NCKAP5: variants seen among roughly 807,000 people sequenced by gnomAD.
The protein encoded by NCKAP5 is NCK associated protein 5.
NCKAP5 carries 92 observed loss-of-function variants against 167.0 expected under a neutral mutation model. The observed-to-expected ratio is 0.55, with a 90% CI of 0.47 to 0.66. The LOEUF is 0.66. NCKAP5 is among the 30% of genes least tolerant of loss of function. NCKAP5 has a pLI of 0.00. For synonymous variants in NCKAP5, 891 were observed against 877.4 expected (o/e 1.02, Z -0.27); for missense variants, 2,378 against 2,315.0 (o/e 1.03, Z -0.56).
the NCKAP5 span, among the ~76,000 whole-genome samples, chr2:133,639,168 T>A: frequency 1.3e-5 from 2 of 152,122 alleles, no homozygotes; most frequent in Admixed American, 1.3e-4. Context: ...TCAGAGAATA[T>A]CAATTGTTGG....
At chr2:132,951,895 T>C (rs547743875) in intron 8 of NCKAP5, among the ~76,000 whole-genome samples, 2 of 152,298 alleles carry the variant, frequency 1.3e-5, no homozygotes, top group South Asian at 2.1e-4. Flanking sequence ...GTAAGTTACT[T>C]TGAAGCATCA....
At chr2:133,119,993 C>A (rs1371615307) in intron 6 of NCKAP5, among the ~76,000 whole-genome samples, 2 of 151,980 alleles carry the variant, frequency 1.3e-5, no homozygotes, top group East Asian at 3.9e-4. Flanking sequence ...ATTTCTGTAA[C>A]CATGGGGATA....
chr2:133,381,324 T>C (rs1256873565), intron 3 of NCKAP5, among the ~76,000 whole-genome samples: 2 of 152,196 alleles, frequency 1.3e-5, no homozygotes, highest in Non-Finnish European at 2.9e-5. Context: ...TGAATCAAAG[T>C]TAGCACTTAA....
At chr2:133,285,947 G>A (rs961479019) in intron 4 of NCKAP5, among the ~76,000 whole-genome samples, 2 of 151,842 alleles carry the variant, frequency 1.3e-5, no homozygotes, top group African/African-American at 4.8e-5. Flanking sequence ...TCTAATAAAA[G>A]GTCAGGAATT....
At chr2:133,106,707 G>A (rs1215423393) in intron 6 of NCKAP5, among the ~76,000 whole-genome samples, 1 of 152,124 alleles carries the variant, frequency 6.6e-6, no homozygotes, top group Non-Finnish European at 1.5e-5. Context: ...TTAAAAATAT[G>A]GTTAGACTAG....
chr2:132,979,139 C>T (rs945246105), intron 7 of NCKAP5, among the ~76,000 whole-genome samples: 6 of 152,144 alleles, frequency 3.9e-5, no homozygotes, highest in African/African-American at 7.2e-5. Flanking sequence ...GTCTCAGTTT[C>T]GTAACTCTCT....
chr2:133,368,306 C>T (rs72989637), intron 3 of NCKAP5, among the ~76,000 whole-genome samples: 7,530 of 152,144 alleles, frequency 0.049, 570 homozygotes, highest in African/African-American at 0.17. Context: ...CAAGTGTGCA[C>T]ATGAATTTTA....
intron 6 of NCKAP5, among the ~76,000 whole-genome samples, chr2:133,103,372 T>C (rs1191916493): frequency 2.0e-5 from 3 of 152,202 alleles, no homozygotes; most frequent in African/African-American, 4.8e-5. Context: ...GTTATCAATA[T>C]GGTTAAATAT....
chr2:133,265,051 G>C (rs1280859136), intron 4 of NCKAP5: 2 of 152,254 alleles, frequency 1.3e-5, no homozygotes, highest in African/African-American at 4.8e-5. Context: ...GCCGGGAAAT[G>C]ACTGAGGAAG....
intron 19 of NCKAP5, among the ~76,000 whole-genome samples, chr2:132,687,756 C>G (rs1266267600): frequency 1.4e-5 from 2 of 139,504 alleles, no homozygotes; most frequent in Non-Finnish European, 3.0e-5. Flanking sequence ...CACACACACA[C>G]CCTTCCTCTG....
At chr2:132,773,777 A>G in intron 16 of NCKAP5, 39 bp downstream of exon 16, 1 of 1,465,268 alleles carries the variant, frequency 6.8e-7, no homozygotes. Context: ...CATTTAGAAT[A>G]AGTCTCCATA....
At chr2:133,475,924 T>C (rs1250680245) in intron 3 of NCKAP5, among the ~76,000 whole-genome samples, 2 of 152,186 alleles carry the variant, frequency 1.3e-5, no homozygotes, top group Non-Finnish European at 2.9e-5. Flanking sequence ...AAGAATCAGC[T>C]GTCTCCTACC....
chr2:133,374,908 C>G (rs1686041787), intron 3 of NCKAP5, among the ~76,000 whole-genome samples: 1 of 152,206 alleles, frequency 6.6e-6, no homozygotes, highest in Non-Finnish European at 1.5e-5. Context: ...AATTAACTGT[C>G]TTTTCTGCGC....
intron 16 of NCKAP5, among the ~76,000 whole-genome samples, chr2:132,761,179 G>A (rs1301109235): frequency 6.7e-6 from 1 of 149,584 alleles, no homozygotes; most frequent in Non-Finnish European, 1.5e-5. Context: ...CCGGGGAGGG[G>A]CTTGTGAGTC....
chr2:133,281,453 T>C (rs951683896), intron 4 of NCKAP5, among the ~76,000 whole-genome samples: 1 of 152,198 alleles, frequency 6.6e-6, no homozygotes, highest in African/African-American at 2.4e-5. Context: ...TATTTGGTAA[T>C]TAAACCGTTA....
chr2:133,607,321 A>T, the NCKAP5 span, among the ~76,000 whole-genome samples: 1 of 152,220 alleles, frequency 6.6e-6, no homozygotes. Flanking sequence ...CTACTGTCAG[A>T]CATGGGAGCT....
intron 19 of NCKAP5, among the ~76,000 whole-genome samples, chr2:132,679,437 A>G (rs1322020469): frequency 6.6e-6 from 1 of 152,152 alleles, no homozygotes; most frequent in Non-Finnish European, 1.5e-5. Flanking sequence ...TTTCTCAAAC[A>G]AAAGAATGTT....
At chr2:132,700,954 A>C in intron 19 of NCKAP5, among the ~76,000 whole-genome samples, 1 of 151,134 alleles carries the variant, frequency 6.6e-6, no homozygotes, top group African/African-American at 2.5e-5. Context: ...TTTAAGCAAT[A>C]CTAATAGGGA....
At chr2:133,111,813 A>C (rs2081923682) in intron 6 of NCKAP5, among the ~76,000 whole-genome samples, 1 of 152,226 alleles carries the variant, frequency 6.6e-6, no homozygotes, top group Admixed American at 6.5e-5. Flanking sequence ...AGATTGCTTA[A>C]GTGAAAAACA....
Sources: allele counts gnomAD v4.1 joint callset (sites outside exome capture counted in the v4.1 genomes callset), GRCh38; gene constraint gnomAD v4.1.1; transcripts MANE v1.5; gene names NCBI Gene and HGNC (gene_info 2026-07-23, HGNC 2026-07-21).